SPTBN2: variants seen among roughly 807,000 people sequenced by gnomAD.
The protein encoded by SPTBN2 is spectrin beta, non-erythrocytic 2, also known as spectrin beta chain, non-erythrocytic 2.
A neutral mutation model predicts 284.2 loss-of-function variants in SPTBN2; 107 were observed. The observed-to-expected ratio is 0.38, with a 90% CI of 0.32 to 0.44. The LOEUF (loss-of-function observed/expected upper bound fraction) is 0.44. Among genes scored for constraint, SPTBN2 ranks in the 20% least tolerant of loss-of-function variants. The probability of loss-of-function intolerance (pLI) is 1.00; values close to 1 mark genes in which losing one functional copy is unlikely to be tolerated. For missense variants in SPTBN2, 2,569 were observed against 3,287.1 expected (o/e 0.78, Z 5.34); for synonymous variants, 1,289 against 1,354.8 (o/e 0.95, Z 1.07).
At position 66,687,257 on chromosome 11, in the gene SPTBN2, C is replaced by T; in HGVS notation, c.6723-90G>A. The T allele has an allele frequency of 1.3e-6, 2 of 1,583,250 alleles. No individual in the cohort carries two copies. Among genetic ancestry groups the T allele is most frequent in the South Asian group, 2.2e-5 (2 of 89,354 alleles). ...TGTCCTAGGACTTCCAGTTCTGCTCCCATCTTTAGGCCACGGTCTTCACAC... is the reference window on the plus strand; with the variant it reads ...TGTCCTAGGACTTCCAGTTCTGCTCTCATCTTTAGGCCACGGTCTTCACAC... On this transcript the variant is annotated intron_variant, in intron 35 of 37. Transcript: ENST00000533211. The surrounding 1 kb of genome is among the most constrained non-coding windows in gnomAD (Gnocchi z 5.2).
chr11:66,722,484 G>A (rs1283106268), intron 1 of SPTBN2, among the ~76,000 whole-genome samples: 1 of 151,194 alleles, frequency 6.6e-6, no homozygotes, highest in African/African-American at 2.4e-5. Context: ...GCTGAGGCAG[G>A]AGAATGGCGT....
chr11:66,726,098 C>T (rs1168827576), intron 1 of SPTBN2, among the ~76,000 whole-genome samples: 2 of 152,182 alleles, frequency 1.3e-5, no homozygotes, highest in Non-Finnish European at 2.9e-5. Flanking sequence ...TGGTGTTTTT[C>T]CAGACTCAGT....
At position 66,682,529 on chromosome 11, in the gene SPTBN2, A is replaced by C. The variant is rs931316948; in HGVS notation, c.*3342T>G. Among the ~76,000 whole-genome samples, 1 of 152,196 alleles carries C rather than the reference A, an allele frequency of 6.6e-6. No individual in the cohort carries two copies. The highest frequency in any genetic ancestry group is 2.4e-5 in the African/African-American group (1 of 41,448). ...AATTCACTTTAATGATACTTTTGAA[A>C]CCCAATATATCTAAAATATTATTTC... On this transcript the variant is annotated 3_prime_UTR_variant, in exon 38 of 38. Coordinates refer to ENST00000533211, the MANE Select transcript of SPTBN2 (RefSeq NM_006946.4).
rs893908171 is a variant in SPTBN2, at chr11:66,718,491, G to A, written c.158-2510C>T. On this transcript the variant is annotated intron_variant, in intron 3 of 37. Coordinates refer to ENST00000533211, the MANE Select transcript of SPTBN2 (RefSeq NM_006946.4). The surrounding 1 kb of genome is among the most constrained non-coding windows in gnomAD (Gnocchi z 4.8). ...TCCAGCACGCTGGCATACTGAGCAG[G>A]GTTGATGAAAGCAGCTGGTGAAAGC... Among the ~76,000 whole-genome samples, 1 of 152,190 alleles carries A rather than the reference G, an allele frequency of 6.6e-6. No homozygotes were observed. Among genetic ancestry groups the A allele is most frequent in the African/African-American group, 2.4e-5 (1 of 41,448 alleles).
At chr11:66,699,955 T>C (rs778944084) in intron 17 of SPTBN2, among the ~76,000 whole-genome samples, 7 of 152,180 alleles carry the variant, frequency 4.6e-5, no homozygotes, top group Non-Finnish European at 8.8e-5. Flanking sequence ...TTTTTCCTTC[T>C]TTTTTCTTTT....
chr11:66,698,623 C>T lies in SPTBN2; in HGVS notation c.4014+16G>A, dbSNP rs201710262. 8 of 1,614,106 alleles carry T rather than the reference C, an allele frequency of 5.0e-6. 1 individual carries two copies. In the Admixed American group the frequency reaches 1.3e-4, roughly 27 times the overall value. On this transcript the variant is annotated intron_variant, in intron 20 of 37. Transcript: ENST00000533211. Reference sequence around the variant, plus strand: ...GGGGGACTCTGCCCAGAGGCAGCCCCCACAGCACTGCTCACCTTGTCCACC... The same window carrying T: ...GGGGGACTCTGCCCAGAGGCAGCCCTCACAGCACTGCTCACCTTGTCCACC...
intron 21 of SPTBN2, among the ~76,000 whole-genome samples, chr11:66,694,667 G>A (rs776555402): frequency 1.3e-5 from 2 of 152,168 alleles, no homozygotes. Context: ...CCACACCCGC[G>A]AATCTAAAAG....
chr11:66,695,885 C>T (rs899552849), intron 21 of SPTBN2, among the ~76,000 whole-genome samples: 20 of 151,994 alleles, frequency 1.3e-4, no homozygotes, highest in Middle Eastern at 3.4e-3. Context: ...AACAGGCGTG[C>T]GCCACCACGC....
chr11:66,722,561 A>AT (rs1158834925), intron 1 of SPTBN2, among the ~76,000 whole-genome samples: 15 of 131,624 alleles, frequency 1.1e-4, no homozygotes, highest in Non-Finnish European at 2.1e-4. Context: ...GGGCGGCAGA[A>AT]TGAGACTCTG....
At position 66,693,024 on chromosome 11, in the gene SPTBN2, A is replaced by G. The variant is rs1372277094; in HGVS notation, c.4931T>C (p.Ile1644Thr). The G allele has an allele frequency of 2.5e-6, 4 of 1,612,416 alleles. No homozygotes were observed. Among genetic ancestry groups the G allele is most frequent in the Non-Finnish European group, 3.4e-6 (4 of 1,179,998 alleles). ...CTGGCTGCTGGCCGCCAGCTGGTGG[A>G]TGGTCTGCGCGTAGTCGGCCAGGGC... ...EQALADYAQT[I>T]HQLAASSQDM... is the part of the protein sequence containing the mutation. The change falls in exon 25 of 38, where the codon ATC (isoleucine) becomes ACC (threonine). Residue 1644 changes from isoleucine to threonine, a missense_variant. Coordinates refer to ENST00000533211, the MANE Select transcript of SPTBN2 (RefSeq NM_006946.4). This position sits in a 1 kb window ranked among gnomAD's most constrained non-coding sequence, Gnocchi z 5.7.
At position 66,696,274 on chromosome 11, in the gene SPTBN2, C is replaced by A. The variant is rs754787355; in HGVS notation, c.4278+3G>T. 2 of 1,610,918 alleles carry A rather than the reference C, an allele frequency of 1.2e-6. No homozygotes were observed. The highest frequency in any genetic ancestry group is 1.7e-6 in the Non-Finnish European group (2 of 1,179,988). On this transcript the variant is annotated splice_donor_region_variant and intron_variant, in intron 21 of 37. Coordinates refer to ENST00000533211, the MANE Select transcript of SPTBN2 (RefSeq NM_006946.4). ...CCATCCCCATCAAAGGCCCACAGCA[C>A]ACCTGCTGCTTCTTGAGCAGGATGT...
At chr11:66,735,820 C>G (rs1942847873) in intron 1 of SPTBN2, among the ~76,000 whole-genome samples, 2 of 151,994 alleles carry the variant, frequency 1.3e-5, no homozygotes, top group Non-Finnish European at 2.9e-5. Context: ...GAAGTTAATT[C>G]TTTTTTAGCT....
rs1472392443 is a variant in SPTBN2, at chr11:66,704,590, G to A, written c.2678+8C>T. 3 of 1,610,104 alleles carry A rather than the reference G, an allele frequency of 1.9e-6. No individual in the cohort carries two copies. The highest frequency in any genetic ancestry group is 1.7e-5 in the Admixed American group (1 of 59,836). On this transcript the variant is annotated splice_region_variant and intron_variant, in intron 15 of 37. Coordinates refer to ENST00000533211, the MANE Select transcript of SPTBN2 (RefSeq NM_006946.4). The stretch of plus-strand genomic sequence containing the variant: ...AGGCTGGTCCCACTAGGAGCCTGAG[G>A]GGCCTACCTCTGCTGCACGACCTCC...
In SPTBN2 at chr11:66,710,213, T is replaced by C. The variant is rs944135382; in HGVS notation, c.1073+369A>G. Among the ~76,000 whole-genome samples the C allele has an allele frequency of 6.6e-6, 1 of 150,736 alleles. No individual in the cohort carries two copies. Among genetic ancestry groups the C allele is most frequent in the African/African-American group, 2.4e-5 (1 of 40,880 alleles). ...GTGTGCCACCATGCCCAGCTAATTT[T>C]TTTGTAATTTTAGTGGAGACGGGGT... On this transcript the variant is annotated intron_variant, in intron 10 of 37. Transcript: ENST00000533211. The surrounding 1 kb of genome is among the most constrained non-coding windows in gnomAD (Gnocchi z 4.9).
chr11:66,721,211 A>C lies in SPTBN2; in HGVS notation c.30T>G (p.Phe10Leu). 1 of 1,614,104 alleles carries C rather than the reference A, an allele frequency of 6.2e-7. No homozygotes were observed. Among genetic ancestry groups the C allele is most frequent in the Non-Finnish European group, 8.5e-7 (1 of 1,180,012 alleles). The change falls in exon 3 of 38, where the codon TTT becomes TTG. Residue 10 changes from phenylalanine (F) to leucine (L), a missense_variant. Physicochemically the swap from Phe to Leu is conservative, Grantham distance 22. Around this residue, in one of 6 missense-constraint regions of SPTBN2, gnomAD observed 304 missense variants for 522.1 expected, o/e 0.58. Coordinates refer to ENST00000533211, the MANE Select transcript of SPTBN2 (RefSeq NM_006946.4). Reference sequence around the variant, plus strand: ...ACTGGCCCTGGATTTCCAAGCTGTCAAAGTCTGTGGGTGACAGCGTGCTGC... The same window carrying C: ...ACTGGCCCTGGATTTCCAAGCTGTCCAAGTCTGTGGGTGACAGCGTGCTGC... MSSTLSPTD[F>L]DSLEIQGQYS...
At chr11:66,742,435 G>A (rs930744476) in intron 1 of SPTBN2, among the ~76,000 whole-genome samples, 4 of 152,052 alleles carry the variant, frequency 2.6e-5, no homozygotes, top group African/African-American at 9.7e-5. Context: ...TGCCTCTAGG[G>A]TGGTATTGGG....
chr11:66,701,420 CCT>C (rs2135417872), intron 16 of SPTBN2, 138 bp from the exon 17 acceptor site: 6 of 1,482,702 alleles, frequency 4.0e-6, no homozygotes, highest in South Asian at 2.4e-5. Context: ...ACCTTGACCC[CCT>C]CTCTCATCTC....
At chr11:66,716,268 G>C (rs1942144805) in intron 3 of SPTBN2, among the ~76,000 whole-genome samples, 1 of 152,180 alleles carries the variant, frequency 6.6e-6, no homozygotes, top group African/African-American at 2.4e-5. Flanking sequence ...CGGATCACAA[G>C]GTCAGGAGAT....
Position 66,705,258 on chromosome 11 carries a change from A to G in SPTBN2, c.2018T>C (p.Leu673Pro). 6.3e-7 allele frequency: 1 copy of G among 1,584,108 alleles called. No individual in the cohort carries two copies. Among genetic ancestry groups the G allele is most frequent in the Non-Finnish European group, 8.5e-7 (1 of 1,170,996 alleles). Residue 673 changes from leucine to proline, a missense_variant, in exon 15 of 38, where the codon CTG (leucine) becomes CCG (proline). Leu to Pro is a moderately conservative substitution (Grantham distance 98). Around this residue, in one of 6 missense-constraint regions of SPTBN2, gnomAD observed 1,012 missense variants for 1,248.9 expected, o/e 0.81. Transcript: ENST00000533211. The stretch of plus-strand genomic sequence containing the variant: ...GTTGAGCAGGCGGAGGGCACCGGTC[A>G]GGTCTCGGCCCGTGTCGGCTGAGGC... ...LLASADTGRD[L>P]TGALRLLNKH...
Sources: gnomAD v4.1 joint callset for allele counts (sites outside exome capture counted in the v4.1 genomes callset) on GRCh38, gnomAD v4.1.1 for gene constraint, gnomAD v4.1.1 regional missense constraint, Gnocchi (gnomAD v3.1) non-coding constraint, MANE v1.5 for transcripts, NCBI Gene and HGNC (gene_info 2026-07-23, HGNC 2026-07-21) for gene names.